CNBD1: variants seen among roughly 807,000 people sequenced by gnomAD.
CNBD1 encodes cyclic nucleotide-binding domain-containing protein 1.
Under a neutral mutation model 54.4 loss-of-function variants are expected in CNBD1, and 71 were observed. That is an observed-to-expected ratio of 1.30 (90% CI 1.08 to 1.59). The LOEUF (loss-of-function observed/expected upper bound fraction) is 1.59, where lower values mean the gene tolerates loss of function less well. CNBD1 is among the 40% of genes most tolerant of loss of function. The probability of loss-of-function intolerance (pLI) is 0.00; values close to 1 mark genes in which losing one functional copy is unlikely to be tolerated. For missense variants in CNBD1, 659 were observed against 518.0 expected, an observed-to-expected ratio of 1.27 and a Z score of -2.64; for synonymous variants, 182 against 170.7, an observed-to-expected ratio of 1.07 and a Z score of -0.51.
At chr8:87,366,066 G>A (rs1810635062) in intron 10 of CNBD1, among the ~76,000 whole-genome samples, 1 of 152,004 alleles carries the variant, frequency 6.6e-6, no homozygotes, top group South Asian at 2.1e-4. Context: ...CTTCATTGTA[G>A]GTTGATAGGC....
At chr8:87,076,538 G>A (rs113723053) in intron 4 of CNBD1, among the ~76,000 whole-genome samples, 1,948 of 152,116 alleles carry the variant, frequency 0.013, 12 homozygotes, top group Non-Finnish European at 0.016. Flanking sequence ...CACCTCCTGG[G>A]TTCAAGCGAT....
At chr8:87,315,826 A>G (rs6980807) in intron 8 of CNBD1, among the ~76,000 whole-genome samples, 57,563 of 151,836 alleles carry the variant, frequency 0.38, 11,187 homozygotes, top group Middle Eastern at 0.46. Flanking sequence ...AATTTATTGT[A>G]TATTTTAAAG....
chr8:87,266,645 T>C (rs1187864606), intron 6 of CNBD1, among the ~76,000 whole-genome samples: 1 of 151,500 alleles, frequency 6.6e-6, no homozygotes, highest in Admixed American at 6.6e-5. Context: ...AGAAGGGGTT[T>C]CTCTCCATGT....
At chr8:86,946,445 T>A (rs1344272387) in intron 4 of CNBD1, among the ~76,000 whole-genome samples, 1 of 152,116 alleles carries the variant, frequency 6.6e-6, no homozygotes, top group African/African-American at 2.4e-5. Context: ...ACATCTATTA[T>A]AATATTTCTT....
At chr8:87,276,978 TA>T (rs1422470169) in intron 6 of CNBD1, among the ~76,000 whole-genome samples, 995 of 80,240 alleles carry the variant, frequency 0.012, 23 homozygotes, top group African/African-American at 0.056. Flanking sequence ...CTTGAATAAT[TA>T]TTTTTTTTTT....
intron 2 of CNBD1, among the ~76,000 whole-genome samples, chr8:87,391,548 T>G (rs950087048): frequency 6.6e-6 from 1 of 151,844 alleles, no homozygotes; most frequent in Non-Finnish European, 1.5e-5. Flanking sequence ...AACCTTATTT[T>G]TATGCCTAGT....
chr8:87,043,356 G>A (rs923289142), intron 4 of CNBD1, among the ~76,000 whole-genome samples: 4 of 152,128 alleles, frequency 2.6e-5, no homozygotes, highest in African/African-American at 9.7e-5. Context: ...CTGATATAAT[G>A]AGAGAGATTA....
At chr8:87,164,007 G>C (rs948737625) in intron 4 of CNBD1, among the ~76,000 whole-genome samples, 1 of 151,768 alleles carries the variant, frequency 6.6e-6, no homozygotes, top group Admixed American at 6.6e-5. Context: ...ATTTTTGAAA[G>C]AATGCCTAGT....
chr8:86,963,113 C>T (rs1474746670), intron 4 of CNBD1, among the ~76,000 whole-genome samples: 1 of 152,116 alleles, frequency 6.6e-6, no homozygotes, highest in African/African-American at 2.4e-5. Flanking sequence ...GAAAAGGCAT[C>T]CCTCTTAATT....
chr8:87,243,107 C>T (rs1384335837), intron 6 of CNBD1, among the ~76,000 whole-genome samples: 3 of 152,154 alleles, frequency 2.0e-5, no homozygotes, highest in South Asian at 2.1e-4. Flanking sequence ...GTTATCAGCA[C>T]AACCTGTATT....
chr8:87,078,603 A>G (rs931351113), intron 4 of CNBD1, among the ~76,000 whole-genome samples: 14 of 152,140 alleles, frequency 9.2e-5, no homozygotes, highest in Admixed American at 7.2e-4. Context: ...GATTTTCTCC[A>G]TTTACGAGGA....
intron 10 of CNBD1, among the ~76,000 whole-genome samples, chr8:87,364,613 A>T (rs1810601777): frequency 6.6e-6 from 1 of 151,778 alleles, no homozygotes; most frequent in African/African-American, 2.4e-5. Context: ...AGTTCCCATT[A>T]GTTATTTTTC....
chr8:87,246,548 A>AT (rs1314176017), intron 6 of CNBD1, among the ~76,000 whole-genome samples: 1 of 152,148 alleles, frequency 6.6e-6, no homozygotes, highest in Non-Finnish European at 1.5e-5. Flanking sequence ...CAATAAGAAT[A>AT]TTTTTTATCT....
In CNBD1 at chr8:87,134,594, C is replaced by CTTTT. The variant is rs1167232265; in HGVS notation, c.432-71376_432-71373dup. 2.1e-4 allele frequency among the ~76,000 whole-genome samples: 18 copies of CTTTT among 86,964 alleles called. 1 individual carries two copies. Among genetic ancestry groups the CTTTT allele is most frequent in the Non-Finnish European group, 2.9e-4 (12 of 41,336 alleles). 57.1% of individuals were successfully genotyped at this position (86,964 alleles called of 152,430 possible). A position where few individuals can be genotyped will look rare whatever the true frequency, so the allele number is the denominator to read the frequency against. On this transcript the variant is annotated intron_variant, in intron 4 of 10. Transcript: ENST00000518476. The stretch of plus-strand genomic sequence containing the variant: ...GATTCACCTTTGTTAATTAGATTAC[C>CTTTT]TTTTTTTTTTTTTTTTTTTTTTTTT...
chr8:87,218,367 A>G (rs1322278571), intron 5 of CNBD1, among the ~76,000 whole-genome samples: 1 of 152,092 alleles, frequency 6.6e-6, no homozygotes, highest in Non-Finnish European at 1.5e-5. Flanking sequence ...ATAATCTGAA[A>G]TAGATGTAGT....
intron 6 of CNBD1, among the ~76,000 whole-genome samples, chr8:87,272,433 T>G (rs569309782): frequency 4.8e-4 from 73 of 152,132 alleles, no homozygotes; most frequent in Middle Eastern, 3.4e-3. Context: ...TTATTTCAAT[T>G]TATATCTCAG....
At chr8:87,190,484 C>G (rs979200070) in intron 4 of CNBD1, among the ~76,000 whole-genome samples, 4 of 152,024 alleles carry the variant, frequency 2.6e-5, no homozygotes, top group Admixed American at 1.3e-4. Context: ...ATTCCATATT[C>G]TTTTTTGTCC....
intron 3 of CNBD1, 41 bp from the exon 4 acceptor site, chr8:86,939,555 G>T: frequency 7.4e-7 from 1 of 1,342,592 alleles, no homozygotes; most frequent in Non-Finnish European, 1.0e-6. Context: ...TAATTTTTAT[G>T]CAGTATACAA....
In CNBD1 at chr8:87,325,321, G is replaced by C. The variant is rs1425686367; in HGVS notation, c.1043-26364G>C. Among the ~76,000 whole-genome samples, 3 of 84,956 alleles carry C rather than the reference G, an allele frequency of 3.5e-5. 1 individual carries two copies. The highest frequency in any genetic ancestry group is 4.5e-5 in the Non-Finnish European group (2 of 44,332). The allele number at this position is 84,956 out of a possible 152,430, so 55.7% of individuals were successfully genotyped here. On this transcript the variant is annotated intron_variant, in intron 8 of 10. Transcript: ENST00000518476. ...AGTTCTGTAGATGTCTATTAGGTCCGCTTGGTACAGAGCTGAGTTCAATTC... is the reference window on the plus strand; with the variant it reads ...AGTTCTGTAGATGTCTATTAGGTCCCCTTGGTACAGAGCTGAGTTCAATTC...
Sources: allele counts gnomAD v4.1 joint callset (sites outside exome capture counted in the v4.1 genomes callset), GRCh38; gene constraint gnomAD v4.1.1; transcripts MANE v1.5; gene names NCBI Gene and HGNC (gene_info 2026-07-23, HGNC 2026-07-21).